THSD7B: variants seen among roughly 807,000 people sequenced by gnomAD.
The protein encoded by THSD7B is thrombospondin type 1 domain containing 7B.
Under a neutral mutation model 213.6 loss-of-function variants are expected in THSD7B, and 138 were observed. The ratio of observed to expected loss-of-function variants is 0.65; its 90% CI spans 0.56 to 0.74. The LOEUF is 0.74. THSD7B is among the 30% of genes least tolerant of loss of function. THSD7B has a pLI of 0.00. For missense variants in THSD7B, 1,931 were observed against 1,991.5 expected, an observed-to-expected ratio of 0.97 and a Z score of 0.58; for synonymous variants, 742 against 687.0, an observed-to-expected ratio of 1.08 and a Z score of -1.25.
intron 12 of THSD7B, among the ~76,000 whole-genome samples, chr2:137,378,656 G>A (rs769079287): frequency 5.9e-5 from 9 of 152,072 alleles, no homozygotes; most frequent in Non-Finnish European, 1.3e-4. Context: ...GCTCATTCTT[G>A]AAAGTCTTCA....
chr2:137,102,324 A>G (rs1378629688), intron 4 of THSD7B, among the ~76,000 whole-genome samples: 1 of 152,172 alleles, frequency 6.6e-6, no homozygotes, highest in East Asian at 1.9e-4. Context: ...ACTAACAAAC[A>G]AAAAGGAATA....
At chr2:137,008,017 A>C (rs999725887) in intron 2 of THSD7B, among the ~76,000 whole-genome samples, 2 of 152,126 alleles carry the variant, frequency 1.3e-5, no homozygotes, top group African/African-American at 4.8e-5. Context: ...TATCCAGATA[A>C]ATTTGATATG....
intron 14 of THSD7B, among the ~76,000 whole-genome samples, chr2:137,446,988 T>C (rs1558799808): frequency 6.6e-6 from 1 of 152,108 alleles, no homozygotes; most frequent in African/African-American, 2.4e-5. Context: ...GTAAAACTTA[T>C]CCATTCGAAT....
chr2:137,294,316 C>T (rs1205968302), intron 12 of THSD7B, among the ~76,000 whole-genome samples: 1 of 152,034 alleles, frequency 6.6e-6, no homozygotes, highest in Non-Finnish European at 1.5e-5. Flanking sequence ...GTTGCAGTGG[C>T]TCACAACTGT....
At chr2:137,293,652 G>A (rs772159428) in intron 12 of THSD7B, among the ~76,000 whole-genome samples, 4 of 151,884 alleles carry the variant, frequency 2.6e-5, no homozygotes, top group Non-Finnish European at 5.9e-5. Flanking sequence ...CGAACAGAAT[G>A]GCATCATTGA....
chr2:137,575,259 T>A (rs4954381), intron 17 of THSD7B, among the ~76,000 whole-genome samples: 22,471 of 152,006 alleles, frequency 0.15, 1,888 homozygotes, highest in South Asian at 0.26. Flanking sequence ...AGAATTGTGA[T>A]GAAGAAGAAC....
intron 10 of THSD7B, among the ~76,000 whole-genome samples, chr2:137,246,311 G>A (rs150786809): frequency 3.7e-4 from 56 of 152,180 alleles, no homozygotes; most frequent in African/African-American, 1.3e-3. Context: ...ACTGCACAAT[G>A]GAATCACCTG....
At chr2:137,549,310 CTTTTTTTTT>C (rs1027305359) in intron 15 of THSD7B, among the ~76,000 whole-genome samples, 10 of 25,234 alleles carry the variant, frequency 4.0e-4, no homozygotes, top group East Asian at 1.8e-3. Flanking sequence ...TTCAGATGCT[CTTTTTTTTT>C]TTTTTTTTTT....
At chr2:137,654,378 G>T (rs1227898649) in intron 21 of THSD7B, among the ~76,000 whole-genome samples, 1 of 152,158 alleles carries the variant, frequency 6.6e-6, no homozygotes, top group Non-Finnish European at 1.5e-5. Context: ...TTCAGAGCTG[G>T]AGGATAGTAG....
In THSD7B at chr2:137,578,696, C is replaced by T. The variant is rs1573720936; in HGVS notation, c.3423+6140C>T. On this transcript the variant is annotated intron_variant, in intron 17 of 27. Transcript: ENST00000409968. ...CCCAAGCATTCAGCAGTGTTACAAT[C>T]ACAATGTCTAGGACTGGTTATTGGC... Among the ~76,000 whole-genome samples the T allele has an allele frequency of 4.6e-5, 7 of 152,284 alleles. No homozygotes were observed. In the South Asian group the frequency reaches 1.5e-3, roughly 32 times the overall value.
At chr2:137,038,928 C>A (rs929322279) in intron 2 of THSD7B, among the ~76,000 whole-genome samples, 1 of 150,294 alleles carries the variant, frequency 6.7e-6, no homozygotes, top group Non-Finnish European at 1.5e-5. Flanking sequence ...ATTCCAAAGT[C>A]TAGAGGTTTT....
intron 20 of THSD7B, among the ~76,000 whole-genome samples, chr2:137,623,050 C>T (rs1682551743): frequency 6.6e-6 from 1 of 152,168 alleles, no homozygotes. Context: ...GACCAATATC[C>T]TTGATGAACA....
At position 136,996,500 on chromosome 2, in the gene THSD7B, C is replaced by T. The variant is rs563994270; in HGVS notation, c.140-59920C>T. Among the ~76,000 whole-genome samples the T allele has an allele frequency of 3.3e-5, 5 of 151,200 alleles. No homozygotes were observed. In the East Asian group the frequency reaches 7.9e-4, roughly 24 times the overall value. ...GGCACTACAGGCATGTACCACTGTG[C>T]CTGGCTAATTAAAAAAAAATTATTT... is the stretch of plus-strand genomic sequence containing the variant. On this transcript the variant is annotated intron_variant, in intron 2 of 27. Coordinates refer to ENST00000409968, the MANE Select transcript of THSD7B (RefSeq NM_001316349.2).
intron 14 of THSD7B, among the ~76,000 whole-genome samples, chr2:137,422,283 TA>T (rs1686944954): frequency 6.6e-6 from 1 of 152,242 alleles, no homozygotes; most frequent in South Asian, 2.1e-4. Flanking sequence ...CAACATTATA[TA>T]AAATTAGTAT....
At chr2:137,583,187 TG>T (rs1300426958) in intron 17 of THSD7B, among the ~76,000 whole-genome samples, 2 of 152,214 alleles carry the variant, frequency 1.3e-5, no homozygotes, top group African/African-American at 4.8e-5. Context: ...TTGATGGGCT[TG>T]TTTTTTTTCT....
At chr2:136,779,783 T>C (rs899386843) in intron 1 of THSD7B, among the ~76,000 whole-genome samples, 4 of 152,346 alleles carry the variant, frequency 2.6e-5, no homozygotes, top group African/African-American at 9.6e-5. Context: ...GATATGCATG[T>C]GCACAGACCC....
chr2:136,789,373 G>A (rs1681922630), intron 1 of THSD7B, among the ~76,000 whole-genome samples: 1 of 151,788 alleles, frequency 6.6e-6, no homozygotes, highest in Admixed American at 6.6e-5. Flanking sequence ...AAATATACAT[G>A]TTTTCAGGGT....
intron 3 of THSD7B, among the ~76,000 whole-genome samples, chr2:137,072,244 C>G (rs889333479): frequency 2.6e-5 from 4 of 152,066 alleles, no homozygotes; most frequent in Non-Finnish European, 4.4e-5. Flanking sequence ...CATGAGCATG[C>G]ATTGTTCTTC....
chr2:137,113,000 G>A (rs997577433), intron 4 of THSD7B, among the ~76,000 whole-genome samples: 1 of 152,174 alleles, frequency 6.6e-6, no homozygotes. Flanking sequence ...GGACTCCAAA[G>A]CATACTTGTC....
Sources: gnomAD v4.1 joint callset for allele counts (sites outside exome capture counted in the v4.1 genomes callset) on GRCh38, gnomAD v4.1.1 for gene constraint, MANE v1.5 for transcripts, NCBI Gene and HGNC (gene_info 2026-07-23, HGNC 2026-07-21) for gene names.